The following RNF213 variants were observed in gnomAD, a reference collection of about 807,000 sequenced individuals.
RNF213 encodes ring finger protein 213.
A neutral mutation model predicts 514.4 loss-of-function variants in RNF213; 341 were observed. The observed-to-expected ratio is 0.66, with a 90% CI of 0.61 to 0.73. The LOEUF (loss-of-function observed/expected upper bound fraction) is 0.73, where lower values mean the gene tolerates loss of function less well. Among genes scored for constraint, RNF213 ranks in the 30% least tolerant of loss-of-function variants. The pLI is 0.00. For synonymous variants in RNF213, 2,655 were observed against 2,658.2 expected (o/e 1.00, Z 0.04); for missense variants, 5,767 against 6,615.6 (o/e 0.87, Z 4.45).
intron 10 of RNF213, among the ~76,000 whole-genome samples, chr17:80,297,786 CAAAAAA>C (rs550895440): frequency 1.0e-5 from 1 of 98,192 alleles, no homozygotes; most frequent in Non-Finnish European, 2.0e-5. Flanking sequence ...GACTCCGTCT[CAAAAAA>C]AAAAAAAAAA....
At chr17:80,295,057 C>T in intron 9 of RNF213, 54 bp downstream of exon 9, 1 of 1,606,606 alleles carries the variant, frequency 6.2e-7, no homozygotes, top group Non-Finnish European at 8.5e-7. Flanking sequence ...CACACCTGAC[C>T]TGCTAGTGGC....
chr17:80,298,615 C>G (rs2045052280), intron 11 of RNF213, 97 bp downstream of exon 11: 2 of 1,261,272 alleles, frequency 1.6e-6, no homozygotes, highest in Non-Finnish European at 2.3e-6. Flanking sequence ...TGACTCCATT[C>G]CTGATTCTAA....
intron 22 of RNF213, among the ~76,000 whole-genome samples, chr17:80,335,668 G>A (rs1166923943): frequency 2.0e-5 from 3 of 152,122 alleles, no homozygotes; most frequent in East Asian, 3.8e-4. Flanking sequence ...GCAAGATATC[G>A]TTTAGTGCTA....
intron 2 of RNF213, among the ~76,000 whole-genome samples, chr17:80,270,989 A>G (rs1299588950): frequency 6.6e-6 from 1 of 152,158 alleles, no homozygotes; most frequent in African/African-American, 2.4e-5. Context: ...AGGGTCCAGA[A>G]GTATGGATGC....
intron 20 of RNF213, among the ~76,000 whole-genome samples, chr17:80,329,579 A>G (rs1338927204): frequency 6.6e-6 from 1 of 152,188 alleles, no homozygotes; most frequent in East Asian, 1.9e-4. Context: ...CTGTAATCCC[A>G]GCACTTCAGG....
intron 20 of RNF213, among the ~76,000 whole-genome samples, chr17:80,331,147 C>G (rs1055682025): frequency 6.6e-6 from 1 of 152,072 alleles, no homozygotes; most frequent in African/African-American, 2.4e-5. Flanking sequence ...GACTTTGAAC[C>G]CAGTCTTCCT....
intron 29 of RNF213, 56 bp from the exon 30 acceptor site, chr17:80,349,714 G>A: frequency 6.3e-7 from 1 of 1,596,466 alleles, no homozygotes; most frequent in Non-Finnish European, 8.6e-7. Flanking sequence ...CCTGGCAGCA[G>A]ACTTGCAACC....
Position 80,354,536 on chromosome 17 carries a change from G to T in RNF213, c.10822G>T (p.Ala3608Ser), listed in dbSNP as rs201402653. 252 of 1,614,100 alleles carry T rather than the reference G, an allele frequency of 1.6e-4. No homozygotes were observed. The highest frequency in any genetic ancestry group is 2.1e-4 in the Non-Finnish European group (247 of 1,180,046). The change falls in exon 36 of 68, where the codon GCC becomes TCC. Residue 3608 changes from alanine to serine, a missense_variant. Ala to Ser is a moderately conservative substitution (Grantham distance 99, BLOSUM62 1). This residue lies in a region of RNF213 where 919 missense variants were observed against 1,121.0 expected (regional missense o/e 0.82). Transcript: ENST00000582970. ...CCCTCTGGAGTGGTTGGCAAGGGAA[G>T]CCTGCAACCAGGACGCTCTCCAGGA... ...FHPLEWLAREACNQDALQEAG... is the reference protein window; with the variant it reads ...FHPLEWLARESCNQDALQEAG...
Position 80,347,374 on chromosome 17 carries a change from C to T in RNF213, c.9039C>T (p.Ser3013=). ...LPEAKCSEEV[S]PMQLIKQNIF... is the part of the protein sequence containing the mutation. The stretch of plus-strand genomic sequence containing the variant: ...AGGCCAAGTGCTCAGAGGAAGTCAG[C>T]CCCATGCAGCTGATCAAACAGAACA... The change falls in exon 29 of 68, where the codon AGC becomes AGT. Residue 3013 remains serine (S), a synonymous_variant. Coordinates refer to ENST00000582970, the MANE Select transcript of RNF213 (RefSeq NM_001256071.3). This position sits in a 1 kb window ranked among gnomAD's most constrained non-coding sequence, Gnocchi z 7.2. The T allele has an allele frequency of 6.2e-7, 1 of 1,613,940 alleles. No individual in the cohort carries two copies. The highest frequency in any genetic ancestry group is 8.5e-7 in the Non-Finnish European group (1 of 1,180,020).
intron 20 of RNF213, 122 bp downstream of exon 20, chr17:80,328,599 A>C: frequency 1.1e-6 from 1 of 946,264 alleles, no homozygotes. Context: ...TTTTTTTTTT[A>C]ATTTGCATTT....
At chr17:80,356,158 C>T (rs2078810365) in intron 36 of RNF213, among the ~76,000 whole-genome samples, 2 of 152,178 alleles carry the variant, frequency 1.3e-5, no homozygotes, top group Non-Finnish European at 2.9e-5. Flanking sequence ...CCCACCACCA[C>T]ACCCAGCTAC....
intron 32 of RNF213, 24 bp downstream of exon 32, chr17:80,351,827 GTATT>G (rs748214252): frequency 1.0e-5 from 12 of 1,184,070 alleles, no homozygotes; most frequent in Admixed American, 1.7e-5. Flanking sequence ...ATCAGTCAGG[GTATT>G]TATTTATGTA....
Position 80,334,168 on chromosome 17 carries a change from G to A in RNF213, c.4207G>A (p.Ala1403Thr). 1 of 1,537,196 alleles carries A rather than the reference G, an allele frequency of 6.5e-7. No homozygotes were observed. Among genetic ancestry groups the A allele is most frequent in the Non-Finnish European group, 8.7e-7 (1 of 1,146,890 alleles). Reference protein sequence around the residue: ...LDQINQELIQAKKLLQDISEA... With the variant: ...LDQINQELIQTKKLLQDISEA... Reference sequence around the variant, plus strand: ...CCAGATCAACCAGGAGCTCATCCAGGCCAAAAAGCTGCTCCAGGACATCAG... The same window carrying A: ...CCAGATCAACCAGGAGCTCATCCAGACCAAAAAGCTGCTCCAGGACATCAG... Residue 1403 changes from alanine to threonine, a missense_variant, in exon 22 of 68, where the codon GCC becomes ACC. By Grantham distance (58) the Ala-to-Thr change is moderately conservative. Transcript: ENST00000582970.
Position 80,336,163 on chromosome 17 carries a change from A to C in RNF213, c.4312A>C (p.Ile1438Leu). The C allele has an allele frequency of 1.3e-6, 2 of 1,536,980 alleles. No homozygotes were observed. The highest frequency in any genetic ancestry group is 1.7e-6 in the Non-Finnish European group (2 of 1,146,678). Reference protein sequence around the residue: ...ICWVREALGGINELKVFVDLA... With the variant: ...ICWVREALGGLNELKVFVDLA... ...AACTCCCCTCTTCTCTTCCCCAGGC[A>C]TCAATGAGCTGAAGGTGTTTGTGGA... Residue 1438 changes from isoleucine (I) to leucine (L), a missense_variant and splice_region_variant, in exon 23 of 68, where the codon ATC (isoleucine) becomes CTC (leucine). By Grantham distance (5) the Ile-to-Leu change is conservative. Coordinates refer to ENST00000582970, the MANE Select transcript of RNF213 (RefSeq NM_001256071.3).
rs769268221 is a variant in RNF213 at position 80,306,441 on chromosome 17, G to A, written c.2400G>A (p.Pro800=). ...TTTCAGGGATTTACTACCGGCTTCC[G>A]GGACTTGAGCAAGTCTTGAATACGC... ...DCLSGIYYRL[P]GLEQVLNTQD... Residue 800 remains proline, a synonymous_variant, in exon 12 of 68, where the codon CCG becomes CCA. Coordinates refer to ENST00000582970, the MANE Select transcript of RNF213 (RefSeq NM_001256071.3). The A allele has an allele frequency of 1.3e-4, 207 of 1,613,958 alleles. 1 individual carries two copies. The highest frequency in any genetic ancestry group is 7.1e-4 in the South Asian group (65 of 91,076).
intron 51 of RNF213, 151 bp downstream of exon 51, chr17:80,376,021 A>C: frequency 1.3e-6 from 1 of 761,436 alleles, no homozygotes; most frequent in South Asian, 1.5e-5. Context: ...ACACATAACC[A>C]AGCTGTTTAA....
At chr17:80,297,795 A>AAC (rs886525491) in intron 10 of RNF213, among the ~76,000 whole-genome samples, 2 of 151,432 alleles carry the variant, frequency 1.3e-5, no homozygotes, top group Non-Finnish European at 2.9e-5. Context: ...TCAAAAAAAA[A>AAC]AAAAAAAAAA....
At chr17:80,298,902 C>T (rs2045068685) in intron 11 of RNF213, 2 of 287,104 alleles carry the variant, frequency 7.0e-6, no homozygotes, top group African/African-American at 4.4e-5. Context: ...TCACTAGAAC[C>T]CGGGAGGTGG....
In RNF213 at chr17:80,339,201, G is replaced by A; in HGVS notation, c.4834G>A (p.Val1612Ile). 1 of 1,468,622 alleles carries A rather than the reference G, an allele frequency of 6.8e-7. No homozygotes were observed. The highest frequency in any genetic ancestry group is 9.0e-7 in the Non-Finnish European group (1 of 1,111,848). 91.0% of individuals were successfully genotyped at this position (1,468,622 alleles called of 1,614,324 possible). ...CAACCTCATGGTTCTGCCTCTCCAGGTCTTCTGCAGTGTGCAGAGGCTCAG... is the reference window on the plus strand; with the variant it reads ...CAACCTCATGGTTCTGCCTCTCCAGATCTTCTGCAGTGTGCAGAGGCTCAG... ...NNTEVERFSE[V>I]FCSVQRLSQA... The change falls in exon 26 of 68, where the codon GTC becomes ATC. Residue 1612 changes from valine (V) to isoleucine (I), a missense_variant and splice_region_variant. This residue lies in a region of RNF213 where 1,377 missense variants were observed against 1,635.2 expected (regional missense o/e 0.84). Transcript: ENST00000582970.
Sources: gnomAD v4.1 joint callset for allele counts (sites outside exome capture counted in the v4.1 genomes callset) on GRCh38, gnomAD v4.1.1 for gene constraint, gnomAD v4.1.1 regional missense constraint, Gnocchi (gnomAD v3.1) non-coding constraint, MANE v1.5 for transcripts, NCBI Gene and HGNC (gene_info 2026-07-23, HGNC 2026-07-21) for gene names.